PRR33: variants seen among roughly 807,000 people sequenced by gnomAD.
PRR33 encodes proline-rich protein 33.
In PRR33, 1 loss-of-function variant was observed where a neutral mutation model predicts 0.5. The observed-to-expected ratio is 2.18, with a 90% confidence interval of 0.77 to 10.34. The LOEUF (loss-of-function observed/expected upper bound fraction) is 10.34. Among genes scored for constraint, PRR33 ranks in the 30% most tolerant of loss-of-function variants. The pLI, the probability that PRR33 is intolerant of heterozygous loss-of-function variation, is 0.13. For missense variants in PRR33, 552 were observed against 251.8 expected (o/e 2.19, Z -8.07); for synonymous variants, 226 against 110.0 (o/e 2.06, Z -6.60).
the PRR33 span, among the ~76,000 whole-genome samples, chr11:1,901,775 GA>G: frequency 6.6e-6 from 1 of 152,212 alleles, no homozygotes; most frequent in Non-Finnish European, 1.5e-5. Flanking sequence ...ACAAAGGTAA[GA>G]CTTGTTACGT....
At chr11:1,909,339 G>A in the PRR33 span, among the ~76,000 whole-genome samples, 3 of 151,788 alleles carry the variant, frequency 2.0e-5, no homozygotes, top group East Asian at 2.0e-4. Flanking sequence ...GGGGCCGGGC[G>A]CGGTGGCTCA....
At chr11:1,903,989 C>T in the PRR33 span, among the ~76,000 whole-genome samples, 1 of 152,198 alleles carries the variant, frequency 6.6e-6, no homozygotes, top group African/African-American at 2.4e-5. Context: ...CATCCTGGAC[C>T]CAGTCCAGTT....
upstream of PRR33, among the ~76,000 whole-genome samples, chr11:1,894,045 C>G (rs28819810): frequency 2.0e-3 from 1 of 498 alleles, no homozygotes; most frequent in Non-Finnish European, 5.1e-3. Context: ...GGGTGGATGG[C>G]TGGAGTGTGG....
At chr11:1,891,500 T>A (rs1849000046) in exon 1 of PRR33, 1 of 152,238 alleles carries the variant, frequency 6.6e-6, no homozygotes, top group African/African-American at 2.4e-5. Flanking sequence ...GCTCCCAGGG[T>A]GGGCAGGCTG....
chr11:1,889,247 C>A (rs764352352), exon 1 of PRR33: 1 of 674,088 alleles, frequency 1.5e-6, no homozygotes, highest in Non-Finnish European at 2.8e-6. Context: ...TGGCCTCCTG[C>A]AGCTTCCGGG....
At chr11:1,908,334 A>G in the PRR33 span, among the ~76,000 whole-genome samples, 1 of 82,502 alleles carries the variant, frequency 1.2e-5, no homozygotes, top group Non-Finnish European at 2.2e-5. Context: ...CCACCCCCAA[A>G]TAAACTCACT....
the PRR33 span, among the ~76,000 whole-genome samples, chr11:1,907,108 G>A: frequency 6.6e-6 from 1 of 152,206 alleles, no homozygotes; most frequent in Admixed American, 6.5e-5. Flanking sequence ...ATTGTGTTGT[G>A]TATTTTGTCT....
the PRR33 span, among the ~76,000 whole-genome samples, chr11:1,900,254 A>G: frequency 6.6e-6 from 1 of 152,098 alleles, no homozygotes; most frequent in African/African-American, 2.4e-5. Context: ...TGTTTATTAG[A>G]AGGGTTATCA....
the PRR33 span, among the ~76,000 whole-genome samples, chr11:1,902,231 CAAA>C: frequency 1.6e-5 from 2 of 126,878 alleles, no homozygotes; most frequent in Admixed American, 8.0e-5. Context: ...GACTCTATCT[CAAA>C]AAAAAAAAAA....
chr11:1,899,555 G>A, the PRR33 span, among the ~76,000 whole-genome samples: 10 of 152,134 alleles, frequency 6.6e-5, no homozygotes, highest in Non-Finnish European at 1.3e-4. Flanking sequence ...TTCTATATAG[G>A]ACTTCCAGGG....
At chr11:1,913,272 A>G in the PRR33 span, among the ~76,000 whole-genome samples, 1 of 148,450 alleles carries the variant, frequency 6.7e-6, no homozygotes, top group Non-Finnish European at 1.5e-5. Context: ...GACTACAGGC[A>G]CCCACCACCA....
chr11:1,909,104 G>T, the PRR33 span, among the ~76,000 whole-genome samples: 1 of 152,222 alleles, frequency 6.6e-6, no homozygotes, highest in South Asian at 2.1e-4. Context: ...AGACAACATG[G>T]CTGGGCATGG....
chr11:1,904,287 G>C, the PRR33 span, among the ~76,000 whole-genome samples: 180 of 152,294 alleles, frequency 1.2e-3, no homozygotes, highest in African/African-American at 4.1e-3. Flanking sequence ...CCAGCACTTT[G>C]GGAGGCCGAG....
At chr11:1,912,438 T>C in the PRR33 span, among the ~76,000 whole-genome samples, 1 of 152,194 alleles carries the variant, frequency 6.6e-6, no homozygotes, top group East Asian at 1.9e-4. Context: ...TTTTAAATTG[T>C]CATAAAGTTG....
chr11:1,890,097 G>A, exon 1 of PRR33: 1 of 716,564 alleles, frequency 1.4e-6, no homozygotes, highest in South Asian at 1.5e-5. Context: ...GCCACTGGGG[G>A]GCCGGGTAGG....
the PRR33 span, among the ~76,000 whole-genome samples, chr11:1,906,895 G>A: frequency 6.6e-6 from 1 of 152,222 alleles, no homozygotes; most frequent in African/African-American, 2.4e-5. Context: ...AGCTCTCTGA[G>A]CTTCACGAAC....
chr11:1,913,475 C>G, the PRR33 span, among the ~76,000 whole-genome samples: 60 of 152,284 alleles, frequency 3.9e-4, no homozygotes, highest in Middle Eastern at 3.4e-3. Flanking sequence ...ATCCAGGCCT[C>G]GCATTTCCCT....
At chr11:1,911,780 A>G in the PRR33 span, among the ~76,000 whole-genome samples, 1 of 152,064 alleles carries the variant, frequency 6.6e-6, no homozygotes, top group African/African-American at 2.4e-5. Flanking sequence ...TATTTTATCC[A>G]AAATTTTTTG....
chr11:1,912,306 A>C, the PRR33 span, among the ~76,000 whole-genome samples: 1 of 151,882 alleles, frequency 6.6e-6, no homozygotes, highest in African/African-American at 2.4e-5. Flanking sequence ...TTGTCTTTGC[A>C]CCCCTGATTC....
Sources: gnomAD v4.1 joint callset for allele counts (sites outside exome capture counted in the v4.1 genomes callset) on GRCh38, gnomAD v4.1.1 for gene constraint, MANE v1.5 for transcripts, NCBI Gene and HGNC (gene_info 2026-07-23, HGNC 2026-07-21) for gene names.